LRRK2: variants seen among roughly 807,000 people sequenced by gnomAD.
The protein encoded by LRRK2 is leucine-rich repeat serine/threonine-protein kinase 2.
In LRRK2, 203 loss-of-function variants were observed where a neutral mutation model predicts 302.6. The ratio of observed to expected loss-of-function variants is 0.67; its 90% confidence interval spans 0.60 to 0.75. LRRK2 has a LOEUF of 0.75. Among genes scored for constraint, LRRK2 ranks in the 30% least tolerant of loss-of-function variants. The probability of loss-of-function intolerance (pLI) is 0.00; values close to 1 mark genes in which losing one functional copy is unlikely to be tolerated. For synonymous variants in LRRK2, 1,066 were observed against 1,031.9 expected (o/e 1.03, Z -0.63); for missense variants, 2,830 against 2,951.0 (o/e 0.96, Z 0.95).
Position 40,367,711 on chromosome 12 carries a change from C to T in LRRK2, c.7530C>T (p.His2510=). The change falls in exon 51 of 51, where the codon CAC becomes CAT. Residue 2510 remains histidine, a synonymous_variant. Transcript: ENST00000298910. Reference sequence around the variant, plus strand: ...ATGAAGTGCAAAATTTAGAAAAACACATTGAAGTGAGAAAAGAATTAGCTG... The same window carrying T: ...ATGAAGTGCAAAATTTAGAAAAACATATTGAAGTGAGAAAAGAATTAGCTG... ...LPHEVQNLEK[H]IEVRKELAEK... The T allele has an allele frequency of 1.2e-6, 2 of 1,603,716 alleles. No individual in the cohort carries two copies. Among genetic ancestry groups the T allele is most frequent in the Non-Finnish European group, 1.7e-6 (2 of 1,174,076 alleles).
At chr12:40,266,793 A>T in intron 14 of LRRK2, among the ~76,000 whole-genome samples, 1 of 152,136 alleles carries the variant, frequency 6.6e-6, no homozygotes, top group Non-Finnish European at 1.5e-5. Context: ...AAAATGTGGC[A>T]CATATACACC....
At chr12:40,308,842 C>G (rs1466294733) in intron 29 of LRRK2, 146 bp downstream of exon 29, 5 of 906,582 alleles carry the variant, frequency 5.5e-6, no homozygotes, top group African/African-American at 1.7e-5. Flanking sequence ...CTAATTTTAC[C>G]CTTGCCTCCA....
At chr12:40,340,708 A>G (rs768315461) in intron 41 of LRRK2, among the ~76,000 whole-genome samples, 20 of 152,254 alleles carry the variant, frequency 1.3e-4, no homozygotes, top group Non-Finnish European at 2.5e-4. Context: ...TATATGTTTT[A>G]AAGTTAGATT....
At chr12:40,298,131 T>C (rs1944452883) in intron 23 of LRRK2, 112 bp from the exon 24 acceptor site, 1 of 1,133,742 alleles carries the variant, frequency 8.8e-7, no homozygotes, top group African/African-American at 1.5e-5. Flanking sequence ...TTTTCAACTT[T>C]TTGAAAATTC....
chr12:40,275,084 T>C (rs1943393055), intron 16 of LRRK2, 91 bp downstream of exon 16: 3 of 1,348,674 alleles, frequency 2.2e-6, no homozygotes, highest in Non-Finnish European at 3.2e-6. Flanking sequence ...ATGAATGGGG[T>C]ATTCTAGTTA....
At chr12:40,312,171 T>A (rs1038697898) in intron 31 of LRRK2, among the ~76,000 whole-genome samples, 4 of 152,142 alleles carry the variant, frequency 2.6e-5, no homozygotes, top group Non-Finnish European at 4.4e-5. Context: ...TAATACTGCT[T>A]TTGTCTAATA....
Position 40,335,130 on chromosome 12 carries a change from T to C in LRRK2, c.5921T>C (p.Ile1974Thr), listed in dbSNP as rs1945829224. ...CTCACTAGAACCCTACAGCACAGGA[T>C]TGCACTCCACGTAGCTGATGGTTTG... is the stretch of plus-strand genomic sequence containing the variant. ...ASLTRTLQHR[I>T]ALHVADGLRY... is the part of the protein sequence containing the mutation. The change falls in exon 40 of 51, where the codon ATT (isoleucine) becomes ACT (threonine). Residue 1974 changes from isoleucine (I) to threonine (T), a missense_variant. Ile to Thr is a moderately conservative substitution (Grantham distance 89, BLOSUM62 -1). Around this residue, in one of 3 missense-constraint regions of LRRK2, gnomAD observed 253 missense variants for 346.7 expected, o/e 0.73. Coordinates refer to ENST00000298910, the MANE Select transcript of LRRK2 (RefSeq NM_198578.4). 2 of 1,614,068 alleles carry C rather than the reference T, an allele frequency of 1.2e-6. No individual in the cohort carries two copies. Among genetic ancestry groups the C allele is most frequent in the East Asian group, 2.2e-5 (1 of 44,876 alleles).
chr12:40,291,596 G>T (rs1298219105), intron 20 of LRRK2, among the ~76,000 whole-genome samples: 2 of 151,736 alleles, frequency 1.3e-5, no homozygotes, highest in Non-Finnish European at 2.9e-5. Context: ...CTACTCTGAT[G>T]ATTTCTATCC....
rs1184766707 is a variant in LRRK2 at position 40,259,542 on chromosome 12, A to G, written c.1481A>G (p.His494Arg). The G allele has an allele frequency of 3.1e-6, 5 of 1,613,422 alleles. No homozygotes were observed. In the South Asian group the frequency reaches 3.3e-5, roughly 11 times the overall value. ...VPKILTVMKRHETSLPVQLEA... is the reference protein window; with the variant it reads ...VPKILTVMKRRETSLPVQLEA... The stretch of plus-strand genomic sequence containing the variant: ...AAAATACTAACAGTTATGAAACGTC[A>G]TGAGACATCATTACCAGTGCAGCTG... Residue 494 changes from histidine (H) to arginine (R), a missense_variant, in exon 13 of 51, where the codon CAT becomes CGT. Coordinates refer to ENST00000298910, the MANE Select transcript of LRRK2 (RefSeq NM_198578.4).
At chr12:40,277,598 A>G (rs1943513938) in intron 16 of LRRK2, among the ~76,000 whole-genome samples, 1 of 152,220 alleles carries the variant, frequency 6.6e-6, no homozygotes, top group African/African-American at 2.4e-5. Context: ...ATGGCTTTAG[A>G]CAAGCATCTT....
chr12:40,319,749 A>G (rs895165975), intron 33 of LRRK2, among the ~76,000 whole-genome samples: 1 of 151,446 alleles, frequency 6.6e-6, no homozygotes, highest in African/African-American at 2.4e-5. Context: ...GTGAAGTTCA[A>G]TGATTTCCTA....
At chr12:40,257,451 T>G in intron 12 of LRRK2, 74 bp downstream of exon 12, 1 of 1,533,572 alleles carries the variant, frequency 6.5e-7, no homozygotes, top group Non-Finnish European at 9.0e-7. Context: ...TCAAGCATAT[T>G]TCTAACAATG....
chr12:40,255,127 T>C (rs1273769185), intron 11 of LRRK2, among the ~76,000 whole-genome samples: 1 of 152,178 alleles, frequency 6.6e-6, no homozygotes, highest in Non-Finnish European at 1.5e-5. Flanking sequence ...CTGTAGGCAC[T>C]TGGGATGCAT....
At chr12:40,359,840 A>AG (rs780071203) in intron 47 of LRRK2, among the ~76,000 whole-genome samples, 1 of 152,174 alleles carries the variant, frequency 6.6e-6, no homozygotes, top group Non-Finnish European at 1.5e-5. Context: ...TATTGATTGT[A>AG]GGAAAGATAG....
At chr12:40,287,281 T>C (rs1430828845) in intron 19 of LRRK2, 70 bp from the exon 20 acceptor site, 40 of 1,376,758 alleles carry the variant, frequency 2.9e-5, no homozygotes, top group Non-Finnish European at 4.0e-5. Context: ...CGTAAGAACT[T>C]TGGTCCTATG....
At chr12:40,266,323 C>T (rs952558423) in intron 14 of LRRK2, among the ~76,000 whole-genome samples, 2 of 152,116 alleles carry the variant, frequency 1.3e-5, no homozygotes, top group Non-Finnish European at 2.9e-5. Flanking sequence ...AAAACAACCC[C>T]ATCAAAAAGT....
chr12:40,225,762 T>A, intron 2 of LRRK2, 122 bp downstream of exon 2: 1 of 787,048 alleles, frequency 1.3e-6, no homozygotes, highest in Non-Finnish European at 2.2e-6. Flanking sequence ...GAGGAACCTC[T>A]GACTGTGATT....
chr12:40,304,213 C>A, intron 27 of LRRK2, 79 bp downstream of exon 27: 1 of 1,341,920 alleles, frequency 7.5e-7, no homozygotes, highest in Non-Finnish European at 1.0e-6. Context: ...TGATATTTAG[C>A]TTCTAAATAC....
At chr12:40,321,676 T>C (rs1340658359) in intron 35 of LRRK2, among the ~76,000 whole-genome samples, 3 of 152,106 alleles carry the variant, frequency 2.0e-5, no homozygotes, top group Non-Finnish European at 2.9e-5. Context: ...TTAATCAACA[T>C]ATAGGTAGTT....
Sources: allele counts gnomAD v4.1 joint callset (sites outside exome capture counted in the v4.1 genomes callset), GRCh38; gene constraint gnomAD v4.1.1; regional missense constraint gnomAD v4.1.1; transcripts MANE v1.5; gene names NCBI Gene and HGNC (gene_info 2026-07-23, HGNC 2026-07-21).